CPED1: variants seen among roughly 807,000 people sequenced by gnomAD.
CPED1 encodes cadherin-like and PC-esterase domain-containing protein 1.
In CPED1, 114 loss-of-function variants were observed where a neutral mutation model predicts 128.2. That is an observed-to-expected ratio of 0.89 (90% CI 0.76 to 1.04). The LOEUF is 1.04. CPED1 is among the 50% of genes least tolerant of loss of function. The pLI, the probability that CPED1 is intolerant of heterozygous loss-of-function variation, is 0.00. For missense variants in CPED1, 1,211 were observed against 1,207.1 expected (o/e 1.00, Z -0.05); for synonymous variants, 462 against 426.7 (o/e 1.08, Z -1.02).
At chr7:121,064,355 A>G in intron 5 of CPED1, 42 bp downstream of exon 5, 2 of 1,371,684 alleles carry the variant, frequency 1.5e-6, no homozygotes, top group Non-Finnish European at 2.1e-6. Context: ...CATGTGAGAT[A>G]TGCAGGCTCC....
chr7:121,231,024 T>C (rs1424090945), intron 16 of CPED1, among the ~76,000 whole-genome samples: 3 of 152,058 alleles, frequency 2.0e-5, no homozygotes, highest in African/African-American at 7.2e-5. Context: ...GGATCCAGTT[T>C]GGGAGTCGTG....
At chr7:121,225,495 T>C (rs1797984569) in intron 16 of CPED1, among the ~76,000 whole-genome samples, 1 of 152,134 alleles carries the variant, frequency 6.6e-6, no homozygotes, top group Non-Finnish European at 1.5e-5. Flanking sequence ...TGTGGTGATC[T>C]CTGTATTTCC....
intron 13 of CPED1, among the ~76,000 whole-genome samples, chr7:121,134,439 T>C (rs1195594512): frequency 6.6e-6 from 1 of 151,882 alleles, no homozygotes; most frequent in Non-Finnish European, 1.5e-5. Context: ...AGAATAGTAG[T>C]TATTAGAGGC....
intron 2 of CPED1, among the ~76,000 whole-genome samples, chr7:120,994,722 G>A (rs996481165): frequency 1.3e-5 from 2 of 151,510 alleles, no homozygotes; most frequent in African/African-American, 4.9e-5. Context: ...AGTCAGCAGG[G>A]TCTAGATGTT....
chr7:121,276,711 AG>A (rs1390185483), intron 22 of CPED1, among the ~76,000 whole-genome samples: 1 of 152,180 alleles, frequency 6.6e-6, no homozygotes, highest in Non-Finnish European at 1.5e-5. Flanking sequence ...TAATGGTAGA[AG>A]GAAGGCCATT....
At chr7:121,085,043 G>T (rs1364973134) in intron 5 of CPED1, among the ~76,000 whole-genome samples, 1 of 145,938 alleles carries the variant, frequency 6.9e-6, no homozygotes, top group Non-Finnish European at 1.5e-5. Context: ...GTATTCATAA[G>T]TACAATCCTC....
chr7:121,097,896 A>C, intron 6 of CPED1, 65 bp downstream of exon 6: 1 of 1,548,760 alleles, frequency 6.5e-7, no homozygotes. Context: ...ACAAGAGAAA[A>C]GCACAGAACA....
At chr7:121,220,666 T>G (rs560301830) in intron 16 of CPED1, among the ~76,000 whole-genome samples, 1 of 152,168 alleles carries the variant, frequency 6.6e-6, no homozygotes, top group South Asian at 2.1e-4. Flanking sequence ...ATAATATTTT[T>G]AAATTGTAGT....
chr7:121,269,879 A>G lies in CPED1; in HGVS notation c.2722-1405A>G, dbSNP rs148379379. On this transcript the variant is annotated intron_variant, in intron 21 of 22. Coordinates refer to ENST00000310396, the MANE Select transcript of CPED1 (RefSeq NM_024913.5). ...GGTATTTTGGCTCACTGTTCTGCAGACTATACAAGAAGCATGGTACCAGCA... is the reference window on the plus strand; with the variant it reads ...GGTATTTTGGCTCACTGTTCTGCAGGCTATACAAGAAGCATGGTACCAGCA... Among the ~76,000 whole-genome samples, 406 of 152,220 alleles carry G rather than the reference A, an allele frequency of 2.7e-3. 4 individuals carry two copies. The highest frequency in any genetic ancestry group is 9.5e-3 in the African/African-American group (393 of 41,570).
In CPED1 at chr7:121,124,470, A is replaced by G. The variant is rs1255672465; in HGVS notation, c.1058A>G (p.His353Arg). The change falls in exon 8 of 23, where the codon CAT becomes CGT. Residue 353 changes from histidine (H) to arginine (R), a missense_variant. By Grantham distance (29) the His-to-Arg change is conservative (BLOSUM62 0). Coordinates refer to ENST00000310396, the MANE Select transcript of CPED1 (RefSeq NM_024913.5). ...TCTACTCTGGGACCAAAGACCTTCC[A>G]TAGGTAAAAAACAAATTTTAATTTA... ...ETSTLGPKTF[H>R]RCRFCFQLLT... 2.7e-6 allele frequency: 4 copies of G among 1,467,286 alleles called. No individual in the cohort carries two copies. In the African/African-American group the frequency reaches 4.3e-5, roughly 16 times the overall value. The allele number at this position is 1,467,286 out of a possible 1,614,324, so 90.9% of individuals were successfully genotyped here.
chr7:121,179,676 G>C (rs1327153463), intron 16 of CPED1, among the ~76,000 whole-genome samples: 1 of 152,066 alleles, frequency 6.6e-6, no homozygotes, highest in Non-Finnish European at 1.5e-5. Flanking sequence ...ATGAATAACA[G>C]CTCAATGGTA....
rs1364948795 is a variant in CPED1 at position 121,007,230 on chromosome 7, CATTTTTTTTT to C, written c.250-8434_250-8425del. Among the ~76,000 whole-genome samples, 8 of 115,848 alleles carry C rather than the reference CATTTTTTTTT, an allele frequency of 6.9e-5. No individual in the cohort carries two copies. The Admixed American group carries it at 7.5e-4, about 11-fold the overall frequency. The allele number at this position is 115,848 out of a possible 152,430, so 76.0% of individuals were successfully genotyped here. On this transcript the variant is annotated intron_variant, in intron 2 of 22. Coordinates refer to ENST00000310396, the MANE Select transcript of CPED1 (RefSeq NM_024913.5). The stretch of plus-strand genomic sequence containing the variant: ...AAGCGTTGCGAAACTGTTCAGGTTG[CATTTTTTTTT>C]TTTTTTTTTGTCTTGCAACTTGCAC...
rs1016357471 is a variant in CPED1, at chr7:121,222,455, A to G, written c.2056-14259A>G. On this transcript the variant is annotated intron_variant, in intron 16 of 22. Transcript: ENST00000310396. ...GCATTGTGGGCTCTTTTTTGGTTCC[A>G]TATGAATTTTAGAGTACTTTTTCCA... 6.6e-5 allele frequency among the ~76,000 whole-genome samples: 10 copies of G among 152,264 alleles called. No homozygotes were observed. The East Asian group carries it at 1.9e-3, about 29-fold the overall frequency.
At chr7:121,170,749 T>C (rs1039768102) in intron 16 of CPED1, among the ~76,000 whole-genome samples, 1 of 152,130 alleles carries the variant, frequency 6.6e-6, no homozygotes, top group Non-Finnish European at 1.5e-5. Context: ...GTTTCTATCC[T>C]TTATTAAAAT....
At chr7:121,071,254 A>G (rs899975272) in intron 5 of CPED1, among the ~76,000 whole-genome samples, 1 of 152,130 alleles carries the variant, frequency 6.6e-6, no homozygotes, top group East Asian at 1.9e-4. Context: ...TTATCCCTGT[A>G]CAATTCAGTA....
intron 16 of CPED1, among the ~76,000 whole-genome samples, chr7:121,194,022 C>CTATATATA (rs1231718616): frequency 4.0e-5 from 3 of 74,758 alleles, no homozygotes; most frequent in South Asian, 6.1e-4. Context: ...CTCTCTCTCT[C>CTATATATA]TATATATATA....
intron 3 of CPED1, 89 bp from the exon 4 acceptor site, chr7:121,046,798 T>A: frequency 1.3e-6 from 1 of 788,016 alleles, no homozygotes; most frequent in Non-Finnish European, 2.0e-6. Context: ...AGAATTTAAA[T>A]AATTACATTT....
chr7:121,247,868 G>GGAGATAAAA (rs1798573810), intron 18 of CPED1, among the ~76,000 whole-genome samples: 3 of 152,150 alleles, frequency 2.0e-5, no homozygotes, highest in East Asian at 3.9e-4. Flanking sequence ...CCAGCCTACT[G>GGAGATAAAA]CTTAGCCAGA....
At chr7:121,108,548 A>G (rs1412183113) in intron 7 of CPED1, among the ~76,000 whole-genome samples, 1 of 152,128 alleles carries the variant, frequency 6.6e-6, no homozygotes, top group Non-Finnish European at 1.5e-5. Context: ...CCTATTAGTC[A>G]TAAACTTGTG....
Sources: gnomAD v4.1 joint callset for allele counts (sites outside exome capture counted in the v4.1 genomes callset) on GRCh38, gnomAD v4.1.1 for gene constraint, MANE v1.5 for transcripts, NCBI Gene and HGNC (gene_info 2026-07-23, HGNC 2026-07-21) for gene names.